ZNF532: variants seen among roughly 807,000 people sequenced by gnomAD.
ZNF532 encodes the protein zinc finger protein 532.
Under a neutral mutation model 89.3 loss-of-function variants are expected in ZNF532, and 22 were observed. The ratio of observed to expected loss-of-function variants is 0.25; its 90% CI spans 0.18 to 0.35. The LOEUF is 0.35. Ranked by LOEUF, ZNF532 falls within the 10% of genes least tolerant of loss-of-function variation. The probability of loss-of-function intolerance (pLI) is 1.00; values close to 1 mark genes in which losing one functional copy is unlikely to be tolerated. For synonymous variants in ZNF532, 606 were observed against 649.6 expected, an observed-to-expected ratio of 0.93 and a Z score of 1.02; for missense variants, 1,132 against 1,643.4, an observed-to-expected ratio of 0.69 and a Z score of 5.38.
chr18:58,918,590 T>C lies in ZNF532; in HGVS notation c.303T>C (p.Ser101=), dbSNP rs374329492. The change falls in exon 3 of 10, where the codon AGT becomes AGC. Residue 101 remains serine (S), a synonymous_variant. Transcript: ENST00000591808. ...NGFLTASSLD[S]YSKDGAKSLK... is the part of the protein sequence containing the mutation. ...TTCTCACAGCATCCTCCCTTGACAG[T>C]TACAGTAAAGATGGAGCAAAGTCCT... 1 of 1,613,996 alleles carries C rather than the reference T, an allele frequency of 6.2e-7. No individual in the cohort carries two copies. Among genetic ancestry groups the C allele is most frequent in the Non-Finnish European group, 8.5e-7 (1 of 1,180,020 alleles).
intron 7 of ZNF532, chr18:58,954,428 GTATT>G: frequency 8.8e-6 from 2 of 226,842 alleles, no homozygotes; most frequent in Non-Finnish European, 1.5e-5. Flanking sequence ...ATCTAATACT[GTATT>G]AAATACAATA....
intron 7 of ZNF532, among the ~76,000 whole-genome samples, chr18:58,961,396 C>G (rs1409807645): frequency 6.6e-6 from 1 of 152,172 alleles, no homozygotes; most frequent in Non-Finnish European, 1.5e-5. Context: ...GTCATCCCTT[C>G]CACTGGTAAC....
chr18:58,868,378 C>T (rs1370897739), intron 2 of ZNF532, among the ~76,000 whole-genome samples: 1 of 152,216 alleles, frequency 6.6e-6, no homozygotes, highest in Non-Finnish European at 1.5e-5. Flanking sequence ...GTGTACCGTT[C>T]TGTGGGTTTT....
rs779719592 is a variant in ZNF532 at position 58,984,374 on chromosome 18, A to G, written c.3814A>G (p.Thr1272Ala). 1.2e-6 allele frequency: 2 copies of G among 1,611,848 alleles called. No homozygotes were observed. Among genetic ancestry groups the G allele is most frequent in the Admixed American group, 1.7e-5 (1 of 59,996 alleles). The change falls in exon 10 of 10, where the codon ACT becomes GCT. Residue 1272 changes from threonine to alanine, a missense_variant. Transcript: ENST00000591808. ...CAGAAAGTGCAAAGTGTGCGCAAAA[A>G]CTTTTGAAACTGAAGCTGCCTTAAA... is the stretch of plus-strand genomic sequence containing the variant. ...SDRKCKVCAK[T>A]FETEAALNTH... is the part of the protein sequence containing the mutation.
chr18:58,981,556 A>C lies in ZNF532; in HGVS notation c.3350A>C (p.Asp1117Ala), dbSNP rs767405519. ...VQLMHGIKDP[D>A]LKEMTDATNE... The stretch of plus-strand genomic sequence containing the variant: ...CTGATGCATGGCATCAAGGACCCTG[A>C]CCTGAAAGAAATGACAGATGCCACC... Residue 1117 changes from aspartate (D) to alanine (A), a missense_variant, in exon 9 of 10, where the codon GAC (aspartate) becomes GCC (alanine). Physicochemically the swap from Asp to Ala is moderately radical, Grantham distance 126. Transcript: ENST00000591808. The C allele has an allele frequency of 6.2e-7, 1 of 1,614,082 alleles. No homozygotes were observed. Among genetic ancestry groups the C allele is most frequent in the Non-Finnish European group, 8.5e-7 (1 of 1,180,022 alleles).
At chr18:58,957,722 T>C (rs2064935586) in intron 7 of ZNF532, among the ~76,000 whole-genome samples, 2 of 152,186 alleles carry the variant, frequency 1.3e-5, no homozygotes, top group Admixed American at 1.3e-4. Context: ...AAATATTCTG[T>C]ATACAGTTCA....
intron 3 of ZNF532, among the ~76,000 whole-genome samples, chr18:58,925,581 C>T (rs527572208): frequency 9.2e-5 from 14 of 152,296 alleles, no homozygotes; most frequent in African/African-American, 3.4e-4. Flanking sequence ...GTCTTTTCAT[C>T]CTCTTCTTTA....
intron 2 of ZNF532, among the ~76,000 whole-genome samples, chr18:58,896,909 T>G (rs1256223597): frequency 1.3e-5 from 2 of 152,184 alleles, no homozygotes; most frequent in Non-Finnish European, 2.9e-5. Context: ...AAGATCCCTG[T>G]CCCATGTGAC....
chr18:58,874,079 C>A (rs1173471156), intron 2 of ZNF532, among the ~76,000 whole-genome samples: 1 of 152,126 alleles, frequency 6.6e-6, no homozygotes, highest in African/African-American at 2.4e-5. Context: ...GGGAGAGTAG[C>A]CTTAGTCCCA....
At chr18:58,934,101 T>A (rs1486727045) in intron 3 of ZNF532, 2 of 198,236 alleles carry the variant, frequency 1.0e-5, no homozygotes, top group Non-Finnish European at 2.1e-5. Context: ...TTACTATATA[T>A]TAAAGTCTTT....
intron 7 of ZNF532, among the ~76,000 whole-genome samples, chr18:58,956,870 T>G (rs1285331176): frequency 6.6e-6 from 1 of 152,222 alleles, no homozygotes; most frequent in Non-Finnish European, 1.5e-5. Context: ...CCATCAGGTT[T>G]CTGTCCTAGA....
intron 2 of ZNF532, among the ~76,000 whole-genome samples, chr18:58,888,709 A>AAAAAAAT (rs2058488521): frequency 2.2e-5 from 1 of 46,218 alleles, no homozygotes; most frequent in African/African-American, 1.1e-4. Flanking sequence ...ATATATATAT[A>AAAAAAAT]TATATATATA....
At chr18:58,898,651 C>T (rs1364390814) in intron 2 of ZNF532, among the ~76,000 whole-genome samples, 1 of 152,136 alleles carries the variant, frequency 6.6e-6, no homozygotes, top group Non-Finnish European at 1.5e-5. Flanking sequence ...GTCTTGGCAG[C>T]TCAAGCTTCC....
chr18:58,905,009 T>G (rs1224436043), intron 2 of ZNF532, among the ~76,000 whole-genome samples: 4 of 151,764 alleles, frequency 2.6e-5, no homozygotes, highest in Admixed American at 2.0e-4. Context: ...GGCCGGCCAA[T>G]TTTTGTATTT....
At chr18:58,875,931 CTTT>C (rs71173091) in intron 2 of ZNF532, among the ~76,000 whole-genome samples, 2 of 112,852 alleles carry the variant, frequency 1.8e-5, no homozygotes. Flanking sequence ...ACTTGGGGAT[CTTT>C]TTTTTTTTTT....
At chr18:58,897,023 T>G (rs2059296003) in intron 2 of ZNF532, among the ~76,000 whole-genome samples, 1 of 152,168 alleles carries the variant, frequency 6.6e-6, no homozygotes, top group African/African-American at 2.4e-5. Flanking sequence ...TAGTCTTAGG[T>G]TGTAAGCTTT....
Position 58,981,310 on chromosome 18 carries a change from C to A in ZNF532, c.3264-160C>A, listed in dbSNP as rs113537250. 5.0e-3 allele frequency: 4,390 copies of A among 873,480 alleles called. 45 individuals are homozygous for A. Among genetic ancestry groups the A allele is most frequent in the Middle Eastern group, 0.031 (84 of 2,724 alleles). 54.1% of individuals were successfully genotyped at this position (873,480 alleles called of 1,614,324 possible). The stretch of plus-strand genomic sequence containing the variant: ...TAGACCTGTAAATTAAGGGCCACTC[C>A]TAGCAAAATTGCTGATTGCGTGTTG... On this transcript the variant is annotated intron_variant, in intron 8 of 9. Coordinates refer to ENST00000591808, the MANE Select transcript of ZNF532 (RefSeq NM_001375912.1).
chr18:58,984,607 C>T lies in ZNF532; in HGVS notation c.*141C>T. On this transcript the variant is annotated 3_prime_UTR_variant, in exon 10 of 10. Coordinates refer to ENST00000591808, the MANE Select transcript of ZNF532 (RefSeq NM_001375912.1). Reference sequence around the variant, plus strand: ...TCTCTTTCAATGTACCTTCCTTCACCTCGTCGTATATATCCTCGATAAGTA... The same window carrying T: ...TCTCTTTCAATGTACCTTCCTTCACTTCGTCGTATATATCCTCGATAAGTA... The T allele has an allele frequency of 9.0e-6, 9 of 1,003,892 alleles. No individual in the cohort carries two copies. The highest frequency in any genetic ancestry group is 1.3e-5 in the Non-Finnish European group (9 of 696,496). The allele number at this position is 1,003,892 out of a possible 1,614,324, so 62.2% of individuals were successfully genotyped here. A position where few individuals can be genotyped will look rare whatever the true frequency, so the allele number is the denominator to read the frequency against.
At chr18:58,914,597 T>C (rs1259576099) in intron 2 of ZNF532, among the ~76,000 whole-genome samples, 2 of 152,166 alleles carry the variant, frequency 1.3e-5, no homozygotes, top group Non-Finnish European at 2.9e-5. Flanking sequence ...GGAGAATTGC[T>C]TGAACCCAGG....
Sources: allele counts gnomAD v4.1 joint callset (sites outside exome capture counted in the v4.1 genomes callset), GRCh38; gene constraint gnomAD v4.1.1; transcripts MANE v1.5; gene names NCBI Gene and HGNC (gene_info 2026-07-23, HGNC 2026-07-21).